PCDHA2: variants seen among roughly 807,000 people sequenced by gnomAD.
The protein encoded by PCDHA2 is protocadherin alpha 2, also known as protocadherin alpha-2.
Under a neutral mutation model 66.0 loss-of-function variants are expected in PCDHA2, and 58 were observed. The observed-to-expected ratio is 0.88, with a 90% CI of 0.71 to 1.09. PCDHA2 has a LOEUF of 1.09. Among genes scored for constraint, PCDHA2 ranks in the 50% least tolerant of loss-of-function variants. The probability of loss-of-function intolerance (pLI) is 0.00; values close to 1 mark genes in which losing one functional copy is unlikely to be tolerated. For missense variants in PCDHA2, 1,267 were observed against 1,242.3 expected, an observed-to-expected ratio of 1.02 and a Z score of -0.30; for synonymous variants, 634 against 554.0, an observed-to-expected ratio of 1.14 and a Z score of -2.03.
chr5:140,875,159 C>T (rs60784460), intron 1 of PCDHA2: 4,491 of 336,216 alleles, frequency 0.013, 178 homozygotes, highest in African/African-American at 0.087. Flanking sequence ...TGAAAAATAA[C>T]CCAAAGTCGA....
At chr5:140,814,921 C>T (rs1338583104) in intron 1 of PCDHA2, 3 of 152,148 alleles carry the variant, frequency 2.0e-5, no homozygotes, top group Middle Eastern at 3.4e-3. Context: ...GTGAATTGAC[C>T]TTTTATCATT....
rs200797202 is a variant in PCDHA2 at position 140,937,911 on chromosome 5, C to CA, written c.2389-41022dup. On this transcript the variant is annotated intron_variant, in intron 1 of 3. Coordinates refer to ENST00000526136, the MANE Select transcript of PCDHA2 (RefSeq NM_018905.3). ...TGGGCGACAGAGTGAGACTCCGTCT[C>CA]AAAAAAAAAAAAAAAAGTTTAATTT... 3.1e-3 allele frequency among the ~76,000 whole-genome samples: 361 copies of CA among 117,828 alleles called. 2 individuals are homozygous for CA. In the East Asian group the frequency reaches 0.042, roughly 14 times the overall value. 77.3% of individuals were successfully genotyped at this position (117,828 alleles called of 152,430 possible).
rs781827236 is a variant in PCDHA2, at chr5:140,877,873, T to C, written c.2388+80521T>C. ...TTAATATTATTTAGATATATTTGTT[T>C]CCTTGAAGAACTTCCGTTTAGGTTA... On this transcript the variant is annotated intron_variant, in intron 1 of 3. Transcript: ENST00000526136. 6.8e-6 allele frequency: 10 copies of C among 1,481,404 alleles called. 1 individual carries two copies. In the Admixed American group the frequency reaches 2.1e-4, roughly 30 times the overall value. 91.8% of individuals were successfully genotyped at this position (1,481,404 alleles called of 1,614,324 possible).
intron 1 of PCDHA2, among the ~76,000 whole-genome samples, chr5:140,844,982 A>T (rs2150375491): frequency 6.7e-6 from 1 of 149,170 alleles, no homozygotes; most frequent in East Asian, 1.9e-4. Context: ...TATTGTTTTA[A>T]ATCTTTTAAT....
intron 1 of PCDHA2, among the ~76,000 whole-genome samples, chr5:140,954,250 T>C (rs1018325931): frequency 6.6e-6 from 1 of 152,252 alleles, no homozygotes; most frequent in Non-Finnish European, 1.5e-5. Context: ...AACATACACA[T>C]GCAGGTATCT....
chr5:140,872,442 C>T (rs1443444144), intron 1 of PCDHA2, among the ~76,000 whole-genome samples: 1 of 152,070 alleles, frequency 6.6e-6, no homozygotes, highest in Non-Finnish European at 1.5e-5. Context: ...GCCTGGACAA[C>T]ATAGCGAGAT....
At chr5:140,848,810 C>T (rs2150250287) in intron 1 of PCDHA2, 1 of 1,591,698 alleles carries the variant, frequency 6.3e-7, no homozygotes, top group East Asian at 2.2e-5. Context: ...GCAGCATCCA[C>T]CTGGAGGTGA....
intron 1 of PCDHA2, among the ~76,000 whole-genome samples, chr5:140,909,839 C>A (rs2074714040): frequency 1.3e-5 from 2 of 152,146 alleles, no homozygotes; most frequent in Admixed American, 6.5e-5. Context: ...GGAGGACCAC[C>A]AGGACGTTTT....
At chr5:141,008,723 C>G (rs1480694972) in intron 3 of PCDHA2, among the ~76,000 whole-genome samples, 1 of 152,110 alleles carries the variant, frequency 6.6e-6, no homozygotes, top group Non-Finnish European at 1.5e-5. Flanking sequence ...GAGTGTATGT[C>G]CAACTAGACT....
chr5:140,917,327 GGGA>G (rs1563018681), intron 1 of PCDHA2, among the ~76,000 whole-genome samples: 5 of 149,526 alleles, frequency 3.3e-5, no homozygotes, highest in Admixed American at 6.6e-5. Context: ...CATGTGGCGG[GGGA>G]GGGGGGGGAT....
At chr5:140,834,123 C>T in intron 1 of PCDHA2, 1 of 438,322 alleles carries the variant, frequency 2.3e-6, no homozygotes, top group Non-Finnish European at 4.0e-6. Flanking sequence ...TGAAATAAAA[C>T]TTTTCATCTG....
At position 141,010,302 on chromosome 5, in the gene PCDHA2, A is replaced by C; in HGVS notation, c.*365A>C. On this transcript the variant is annotated 3_prime_UTR_variant, in exon 4 of 4. Coordinates refer to ENST00000526136, the MANE Select transcript of PCDHA2 (RefSeq NM_018905.3). ...TGATGACACTTGCAGGGCAGGCTGA[A>C]AAGTTTTGAGATTGAGCAGCTTGGG... The C allele has an allele frequency of 6.5e-7, 1 of 1,549,074 alleles. No individual in the cohort carries two copies. The highest frequency in any genetic ancestry group is 8.7e-7 in the Non-Finnish European group (1 of 1,146,244).
At chr5:140,803,680 G>C (rs7707310) in intron 1 of PCDHA2, 1 of 1,584,468 alleles carries the variant, frequency 6.3e-7, no homozygotes, top group South Asian at 1.2e-5. Flanking sequence ...TAATAGTTAA[G>C]TATGAATTAT....
At chr5:140,998,094 GCAAA>G (rs1182835904) in intron 3 of PCDHA2, among the ~76,000 whole-genome samples, 7 of 152,226 alleles carry the variant, frequency 4.6e-5, no homozygotes, top group African/African-American at 1.4e-4. Flanking sequence ...AAATGCTAGA[GCAAA>G]CAGAGGAGAA....
intron 1 of PCDHA2, chr5:140,834,198 C>T (rs1449732320): frequency 8.4e-6 from 5 of 594,740 alleles, no homozygotes; most frequent in African/African-American, 3.7e-5. Flanking sequence ...CGCTCTTTAC[C>T]GCAAATTCTT....
chr5:140,829,693 G>A, intron 1 of PCDHA2: 1 of 1,613,366 alleles, frequency 6.2e-7, no homozygotes, highest in Non-Finnish European at 8.5e-7. Context: ...TGCAGTTTCA[G>A]GTGAGCGCGC....
intron 1 of PCDHA2, among the ~76,000 whole-genome samples, chr5:140,900,805 G>C (rs1554189444): frequency 6.6e-6 from 1 of 152,118 alleles, no homozygotes; most frequent in Non-Finnish European, 1.5e-5. Context: ...CATAGTGCTT[G>C]TACTAATTTA....
At position 140,895,475 on chromosome 5, in the gene PCDHA2, G is replaced by A. The variant is rs532993154; in HGVS notation, c.2389-83474G>A. Among the ~76,000 whole-genome samples the A allele has an allele frequency of 2.0e-4, 31 of 152,002 alleles. No individual in the cohort carries two copies. The South Asian group carries it at 5.0e-3, about 24-fold the overall frequency. On this transcript the variant is annotated intron_variant, in intron 1 of 3. Coordinates refer to ENST00000526136, the MANE Select transcript of PCDHA2 (RefSeq NM_018905.3). ...TATTGGTCATTTCTTTATCCTCTTC[G>A]GAGAAATACCTATTCAGAACTTTTG...
chr5:140,802,430 C>T (rs1047484049), intron 1 of PCDHA2: 1 of 1,614,086 alleles, frequency 6.2e-7, no homozygotes, highest in African/African-American at 1.3e-5. Flanking sequence ...TGCTGGACAG[C>T]CCTCTGGACC....
Sources: allele counts gnomAD v4.1 joint callset (sites outside exome capture counted in the v4.1 genomes callset), GRCh38; gene constraint gnomAD v4.1.1; transcripts MANE v1.5; gene names NCBI Gene and HGNC (gene_info 2026-07-23, HGNC 2026-07-21).